PKD1L1: variants seen among roughly 807,000 people sequenced by gnomAD.
The protein encoded by PKD1L1 is polycystin 1 like 1, transient receptor potential channel interacting, also known as polycystin-1-like protein 1.
In PKD1L1, 236 loss-of-function variants were observed where a neutral mutation model predicts 323.4. That is an observed-to-expected ratio of 0.73 (90% confidence interval 0.66 to 0.81). The LOEUF is 0.81. Among genes scored for constraint, PKD1L1 ranks in the 40% least tolerant of loss-of-function variants. PKD1L1 has a pLI of 0.00. For synonymous variants in PKD1L1, 1,344 were observed against 1,335.0 expected (o/e 1.01, Z -0.15); for missense variants, 3,320 against 3,508.0 (o/e 0.95, Z 1.35).
the PKD1L1 span, among the ~76,000 whole-genome samples, chr7:47,959,155 G>T: frequency 6.6e-6 from 1 of 151,812 alleles, no homozygotes; most frequent in African/African-American, 2.4e-5. Context: ...GTGCAGTGGC[G>T]TGATCTCGGC....
chr7:47,776,310 A>G (rs1011951258), intron 56 of PKD1L1, among the ~76,000 whole-genome samples: 8 of 152,240 alleles, frequency 5.3e-5, no homozygotes, highest in African/African-American at 1.9e-4. Flanking sequence ...ATATTTCCAA[A>G]TTTATTCTAG....
intron 23 of PKD1L1, among the ~76,000 whole-genome samples, chr7:47,874,494 C>CA (rs1786360369): frequency 3.3e-5 from 5 of 152,172 alleles, no homozygotes; most frequent in African/African-American, 1.2e-4. Flanking sequence ...ACCTGAAACT[C>CA]AGTGCCAAGG....
At chr7:47,847,642 AAG>A (rs1445317706) in intron 31 of PKD1L1, among the ~76,000 whole-genome samples, 1 of 152,210 alleles carries the variant, frequency 6.6e-6, no homozygotes, top group Non-Finnish European at 1.5e-5. Context: ...ACTTTTTAAT[AAG>A]TGGTGTTGGG....
At chr7:47,775,293 G>T in intron 56 of PKD1L1, 127 bp from the exon 57 acceptor site, 1 of 995,588 alleles carries the variant, frequency 1.0e-6, no homozygotes, top group South Asian at 1.7e-5. Flanking sequence ...CTTGACCAAG[G>T]TGACATTTAC....
intron 1 of PKD1L1, among the ~76,000 whole-genome samples, chr7:47,944,289 C>T (rs1316241657): frequency 3.9e-5 from 6 of 152,094 alleles, no homozygotes; most frequent in Non-Finnish European, 8.8e-5. Context: ...CTCCTGCTGT[C>T]GCCATGTGAT....
At chr7:47,955,275 C>A in the PKD1L1 span, among the ~76,000 whole-genome samples, 2 of 152,142 alleles carry the variant, frequency 1.3e-5, no homozygotes, top group Admixed American at 6.5e-5. Context: ...TAAGGATGTG[C>A]TGTGAAAAGA....
intron 17 of PKD1L1, among the ~76,000 whole-genome samples, chr7:47,886,458 C>T (rs914804430): frequency 6.6e-6 from 1 of 152,134 alleles, no homozygotes; most frequent in South Asian, 2.1e-4. Flanking sequence ...GGATGTTTTG[C>T]CCCTCTAAGT....
chr7:47,915,957 C>T (rs1447091330), intron 7 of PKD1L1, among the ~76,000 whole-genome samples: 1 of 152,194 alleles, frequency 6.6e-6, no homozygotes, highest in Admixed American at 6.5e-5. Flanking sequence ...GAAGGTATCA[C>T]TGAGCTACTC....
chr7:47,922,685 G>A (rs1406663785), intron 7 of PKD1L1, among the ~76,000 whole-genome samples: 3 of 151,288 alleles, frequency 2.0e-5, no homozygotes, highest in East Asian at 1.9e-4. Context: ...CAGCTGCCCC[G>A]TCTGGGAAGT....
At chr7:47,864,579 T>C (rs544342335) in intron 26 of PKD1L1, among the ~76,000 whole-genome samples, 3 of 52,302 alleles carry the variant, frequency 5.7e-5, no homozygotes, top group African/African-American at 2.4e-4. Context: ...TTCTTTCTTT[T>C]CTTTCTTTCT....
intron 21 of PKD1L1, 146 bp from the exon 22 acceptor site, chr7:47,877,777 C>T (rs935328493): frequency 2.0e-6 from 2 of 991,568 alleles, no homozygotes; most frequent in Non-Finnish European, 2.9e-6. Context: ...GGGAATTTGT[C>T]AGAAATGAAG....
chr7:47,789,663 GA>G lies in PKD1L1; in HGVS notation c.8526+2963del, dbSNP rs199784813. ...TGTTGCTCCACTTTATATACCATGG[GA>G]TTTCGTCTGTCAGTGCTTTCTGCTA... On this transcript the variant is annotated intron_variant, in intron 56 of 56. Coordinates refer to ENST00000289672, the MANE Select transcript of PKD1L1 (RefSeq NM_138295.5). 7.2e-5 allele frequency among the ~76,000 whole-genome samples: 11 copies of G among 152,162 alleles called. No homozygotes were observed. In the East Asian group the frequency reaches 1.9e-3, roughly 27 times the overall value.
chr7:47,940,466 C>G (rs1787963442), intron 2 of PKD1L1, 149 bp from the exon 3 acceptor site: 1 of 679,692 alleles, frequency 1.5e-6, no homozygotes, highest in Non-Finnish European at 2.4e-6. Flanking sequence ...TGTCCTTGGG[C>G]TGCCGTGTCC....
At chr7:47,865,368 A>G in intron 25 of PKD1L1, 96 bp from the exon 26 acceptor site, 1 of 1,094,180 alleles carries the variant, frequency 9.1e-7, no homozygotes, top group Non-Finnish European at 1.3e-6. Context: ...ATGTAGAAAT[A>G]GTACAGATTC....
chr7:47,848,469 G>T (rs577341413), intron 31 of PKD1L1, among the ~76,000 whole-genome samples: 1 of 152,190 alleles, frequency 6.6e-6, no homozygotes, highest in African/African-American at 2.4e-5. Context: ...GTATGCATGG[G>T]CTTATTTTCC....
intron 44 of PKD1L1, among the ~76,000 whole-genome samples, chr7:47,827,988 T>C (rs1785270430): frequency 2.6e-5 from 4 of 152,244 alleles, no homozygotes. Context: ...ACACATTCAC[T>C]GGATCAGGCA....
chr7:47,881,803 C>T, intron 20 of PKD1L1, 106 bp downstream of exon 20: 1 of 1,112,442 alleles, frequency 9.0e-7, no homozygotes, highest in African/African-American at 1.6e-5. Context: ...TACCACAATT[C>T]TAAATACTTA....
chr7:47,951,250 AAC>A (rs1450524343), upstream of PKD1L1, among the ~76,000 whole-genome samples: 5 of 152,178 alleles, frequency 3.3e-5, no homozygotes, highest in African/African-American at 1.2e-4. Flanking sequence ...AGGAGGAAAA[AAC>A]ACAAGAAAAA....
At chr7:47,831,480 T>A (rs1785348318) in intron 41 of PKD1L1, 128 bp from the exon 42 acceptor site, 1 of 1,274,194 alleles carries the variant, frequency 7.8e-7, no homozygotes, top group African/African-American at 1.5e-5. Context: ...TTTGGTTAAA[T>A]GTGATTTTTG....
Sources: allele counts gnomAD v4.1 joint callset (sites outside exome capture counted in the v4.1 genomes callset), GRCh38; gene constraint gnomAD v4.1.1; transcripts MANE v1.5; gene names NCBI Gene and HGNC (gene_info 2026-07-23, HGNC 2026-07-21).